The following TERT variants were observed in gnomAD, a reference collection of about 807,000 sequenced individuals.
TERT encodes the protein telomerase catalytic subunit.
TERT carries 42 observed loss-of-function variants against 104.0 expected under a neutral mutation model. The observed-to-expected ratio is 0.40, with a 90% CI of 0.32 to 0.52. The LOEUF is 0.52. Ranked by LOEUF, TERT falls within the 20% of genes least tolerant of loss-of-function variation. The pLI is 0.43. For missense variants in TERT, 1,101 were observed against 1,610.3 expected (o/e 0.68, Z 5.41); for synonymous variants, 781 against 725.6 (o/e 1.08, Z -1.23).
chr5:1,290,311 C>A (rs1267208798), intron 2 of TERT, among the ~76,000 whole-genome samples: 1 of 63,152 alleles, frequency 1.6e-5, no homozygotes. Flanking sequence ...CGGCGCCTCA[C>A]TCACCCTACA....
Position 1,279,280 on chromosome 5 carries a change from C to A in TERT, c.2130+11G>T. 1 of 1,567,512 alleles carries A rather than the reference C, an allele frequency of 6.4e-7. No homozygotes were observed. The highest frequency in any genetic ancestry group is 2.4e-5 in the East Asian group (1 of 42,312). On this transcript the variant is annotated intron_variant, in intron 5 of 15. Coordinates refer to ENST00000310581, the MANE Select transcript of TERT (RefSeq NM_198253.3). The stretch of plus-strand genomic sequence containing the variant: ...CCAGCAGGGCTGCTCACGGGGGTCC[C>A]CGGCACCCACCTTGACAAAGTACAG...
chr5:1,279,525 CCCCA>C, intron 4 of TERT, 55 bp from the exon 5 acceptor site: 1 of 1,529,010 alleles, frequency 6.5e-7, no homozygotes, highest in Non-Finnish European at 8.9e-7. Flanking sequence ...CAAGTGCCCA[CCCCA>C]CCATAGGGAC....
chr5:1,278,781 C>T lies in TERT; in HGVS notation c.2146G>A (p.Ala716Thr), dbSNP rs387907249. The change falls in exon 6 of 16, where the codon GCG becomes ACG. Residue 716 changes from alanine to threonine, a missense_variant. By Grantham distance (58) the Ala-to-Thr change is moderately conservative. Transcript: ENST00000310581. ...CTGTCCTGGGGGATGGTGTCGTACGCGCCCGTCACATCCACCTGTGTGAGT... is the reference window on the plus strand; with the variant it reads ...CTGTCCTGGGGGATGGTGTCGTACGTGCCCGTCACATCCACCTGTGTGAGT... ...LYFVKVDVTG[A>T]YDTIPQDRLT... 6.2e-7 allele frequency: 1 copy of T among 1,614,104 alleles called. No individual in the cohort carries two copies. Among genetic ancestry groups the T allele is most frequent in the Non-Finnish European group, 8.5e-7 (1 of 1,180,036 alleles).
At position 1,263,608 on chromosome 5, in the gene TERT, G is replaced by T. The variant is rs1748380286; in HGVS notation, c.2843+796C>A. On this transcript the variant is annotated intron_variant, in intron 11 of 15. Coordinates refer to ENST00000310581, the MANE Select transcript of TERT (RefSeq NM_198253.3). The surrounding 1 kb of genome is among the most constrained non-coding windows in gnomAD (Gnocchi z 5.3). ...TTAAGTAGAAATGGAATTTCACTAT[G>T]TTGGTTAGGTTGGCCTCAAACTCCT... 1.3e-5 allele frequency among the ~76,000 whole-genome samples: 2 copies of T among 152,192 alleles called. No homozygotes were observed. The highest frequency in any genetic ancestry group is 1.5e-5 in the Non-Finnish European group (1 of 68,032).
chr5:1,255,436 G>C lies in TERT; in HGVS notation c.3033-25C>G, dbSNP rs1264158911. The C allele has an allele frequency of 6.2e-7, 1 of 1,613,818 alleles. No individual in the cohort carries two copies. Among genetic ancestry groups the C allele is most frequent in the East Asian group, 2.2e-5 (1 of 44,884 alleles). On this transcript the variant is annotated intron_variant, in intron 13 of 15. Transcript: ENST00000310581. This position sits in a 1 kb window ranked among gnomAD's most constrained non-coding sequence, Gnocchi z 6.9. Reference sequence around the variant, plus strand: ...CCTGAGAGGATGGCGGACAGCGTCAGAGGAAAGGCCTCCTAATCAGACGGT... The same window carrying C: ...CCTGAGAGGATGGCGGACAGCGTCACAGGAAAGGCCTCCTAATCAGACGGT...
intron 2 of TERT, among the ~76,000 whole-genome samples, chr5:1,290,304 C>G (rs71575521): frequency 5.4e-4 from 23 of 42,786 alleles, no homozygotes; most frequent in Admixed American, 1.2e-3. Flanking sequence ...CCGGGGACGG[C>G]GCCTCACTCA....
In TERT at chr5:1,263,165, A is replaced by C. The variant is rs1284258434; in HGVS notation, c.2843+1239T>G. Among the ~76,000 whole-genome samples, 2 of 152,194 alleles carry C rather than the reference A, an allele frequency of 1.3e-5. No individual in the cohort carries two copies. Among genetic ancestry groups the C allele is most frequent in the African/African-American group, 4.8e-5 (2 of 41,448 alleles). Reference sequence around the variant, plus strand: ...CACACCTGCTGCTCCCCCATGAAGCAAACCCCAGGGAGCATTCTGGAAAGA... The same window carrying C: ...CACACCTGCTGCTCCCCCATGAAGCCAACCCCAGGGAGCATTCTGGAAAGA... On this transcript the variant is annotated intron_variant, in intron 11 of 15. Transcript: ENST00000310581. The surrounding 1 kb of genome is among the most constrained non-coding windows in gnomAD (Gnocchi z 5.3).
intron 11 of TERT, 130 bp downstream of exon 11, chr5:1,264,274 C>T: frequency 1.0e-6 from 1 of 966,582 alleles, no homozygotes; most frequent in Non-Finnish European, 1.6e-6. Context: ...ACGAGGGGCA[C>T]CCTGTGGCCT....
chr5:1,291,603 A>ACGCCTCACTCACCCTACAC (rs1750975338), intron 2 of TERT, among the ~76,000 whole-genome samples: 1 of 4,024 alleles, frequency 2.5e-4, no homozygotes, highest in African/African-American at 1.9e-3. Flanking sequence ...ACCCGGGGAC[A>ACGCCTCACTCACCCTACAC]GTGCCTCACT....
At position 1,268,969 on chromosome 5, in the gene TERT, G is replaced by A. The variant is rs1044272592; in HGVS notation, c.2469-336C>T. Among the ~76,000 whole-genome samples, 4 of 151,790 alleles carry A rather than the reference G, an allele frequency of 2.6e-5. No homozygotes were observed. The highest frequency in any genetic ancestry group is 9.7e-5 in the African/African-American group (4 of 41,316). On this transcript the variant is annotated intron_variant, in intron 8 of 15. Transcript: ENST00000310581. This position sits in a 1 kb window ranked among gnomAD's most constrained non-coding sequence, Gnocchi z 5.5. Reference sequence around the variant, plus strand: ...CTTGACCCGGAATGAATGCTTAACCGGACTCCTTTTTTTTTTTTCAAGGAA... The same window carrying A: ...CTTGACCCGGAATGAATGCTTAACCAGACTCCTTTTTTTTTTTTCAAGGAA...
chr5:1,281,538 C>T (rs1750021937), intron 3 of TERT, among the ~76,000 whole-genome samples: 2 of 152,210 alleles, frequency 1.3e-5, no homozygotes, highest in South Asian at 2.1e-4. Flanking sequence ...CCCAGACCAG[C>T]GCTCCCGTCC....
At chr5:1,277,743 A>T (rs1483383402) in intron 6 of TERT, among the ~76,000 whole-genome samples, 1 of 151,996 alleles carries the variant, frequency 6.6e-6, no homozygotes, top group African/African-American at 2.4e-5. Context: ...ATGAGGGTAA[A>T]ATTCTGCTGA....
chr5:1,272,352 C>A, intron 6 of TERT, 72 bp from the exon 7 acceptor site: 1 of 1,312,362 alleles, frequency 7.6e-7, no homozygotes, highest in Admixed American at 1.9e-5. Flanking sequence ...TTGTTTCTTC[C>A]GATCAGGACG....
rs895340018 is a variant in TERT at position 1,258,668 on chromosome 5, G to A, written c.2971-9C>T. The A allele has an allele frequency of 1.1e-5, 17 of 1,563,084 alleles. No homozygotes were observed. The highest frequency in any genetic ancestry group is 1.5e-5 in the Non-Finnish European group (17 of 1,152,842). On this transcript the variant is annotated splice_polypyrimidine_tract_variant and intron_variant, in intron 12 of 15. Coordinates refer to ENST00000310581, the MANE Select transcript of TERT (RefSeq NM_198253.3). The stretch of plus-strand genomic sequence containing the variant: ...GTCTGGAGGCTGTTCACCTAGAGTC[G>A]CCAAGAAAGAGTGAGAAACGGTAGA...
In TERT at chr5:1,287,403, G is replaced by A. The variant is rs1352855829; in HGVS notation, c.1574-4779C>T. Among the ~76,000 whole-genome samples the A allele has an allele frequency of 6.6e-6, 1 of 151,726 alleles. No individual in the cohort carries two copies. Among genetic ancestry groups the A allele is most frequent in the Admixed American group, 6.6e-5 (1 of 15,206 alleles). ...CAGTTCCAGCTATTCAGGAGGCTGA[G>A]GTGAGAGGACGGCTCAGGCCAGAAG... is the stretch of plus-strand genomic sequence containing the variant. On this transcript the variant is annotated intron_variant, in intron 2 of 15. Transcript: ENST00000310581. The surrounding 1 kb of genome is among the most constrained non-coding windows in gnomAD (Gnocchi z 4.3).
At chr5:1,275,183 T>C (rs1579569856) in intron 6 of TERT, among the ~76,000 whole-genome samples, 1 of 152,068 alleles carries the variant, frequency 6.6e-6, no homozygotes, top group Non-Finnish European at 1.5e-5. Flanking sequence ...GAGACCAGCC[T>C]GGCCAACATG....
Position 1,264,175 on chromosome 5 carries a change from C to T in TERT, c.2843+229G>A, listed in dbSNP as rs34656059. 3.1e-3 allele frequency: 1,839 copies of T among 585,790 alleles called. 26 individuals are homozygous for T. Among genetic ancestry groups the T allele is most frequent in the African/African-American group, 0.031 (1,659 of 53,764 alleles). 36.3% of individuals were successfully genotyped at this position (585,790 alleles called of 1,614,324 possible). On this transcript the variant is annotated intron_variant, in intron 11 of 15. Coordinates refer to ENST00000310581, the MANE Select transcript of TERT (RefSeq NM_198253.3). ...TGCACCCAGGTCTGGTGCACCATTT[C>T]CTTTTACCAAAATAGCACAGAAAAC...
chr5:1,260,731 CGAGG>C, intron 11 of TERT, 131 bp from the exon 12 acceptor site: 2 of 1,341,304 alleles, frequency 1.5e-6, no homozygotes, highest in South Asian at 1.2e-5. Flanking sequence ...CGCTGCAGCC[CGAGG>C]GGGCTGGGTG....
At position 1,270,023 on chromosome 5, in the gene TERT, C is replaced by T. The variant is rs1403154409; in HGVS notation, c.2468+1096G>A. ...TGATCCATCTTAATAAAATTCACGA[C>T]CACGAAGGAGGCCCGTGGTGGCTTC... is the stretch of plus-strand genomic sequence containing the variant. On this transcript the variant is annotated intron_variant, in intron 8 of 15. Transcript: ENST00000310581. The surrounding 1 kb of genome is among the most constrained non-coding windows in gnomAD (Gnocchi z 8.3). 3.3e-5 allele frequency among the ~76,000 whole-genome samples: 5 copies of T among 152,090 alleles called. No homozygotes were observed. The highest frequency in any genetic ancestry group is 4.8e-5 in the African/African-American group (2 of 41,414).
Sources: allele counts gnomAD v4.1 joint callset (sites outside exome capture counted in the v4.1 genomes callset), GRCh38; gene constraint gnomAD v4.1.1; non-coding constraint Gnocchi (gnomAD v3.1); transcripts MANE v1.5; gene names NCBI Gene and HGNC (gene_info 2026-07-23, HGNC 2026-07-21).